The following LRRC37A3 variants were observed in gnomAD, a reference collection of about 807,000 sequenced individuals.
LRRC37A3 encodes leucine-rich repeat-containing protein 37A3.
LRRC37A3 carries 25 observed loss-of-function variants against 106.2 expected under a neutral mutation model. That is an observed-to-expected ratio of 0.24 (90% CI 0.17 to 0.33). LRRC37A3 has a LOEUF of 0.33. LRRC37A3 is among the 10% of genes least tolerant of loss of function. LRRC37A3 has a pLI of 1.00. For synonymous variants in LRRC37A3, 305 were observed against 635.8 expected, an observed-to-expected ratio of 0.48 and a Z score of 7.83; for missense variants, 712 against 1,644.9, an observed-to-expected ratio of 0.43 and a Z score of 9.81.
chr17:64,874,210 C>T (rs1312296458), intron 8 of LRRC37A3, among the ~76,000 whole-genome samples: 27 of 150,284 alleles, frequency 1.8e-4, no homozygotes, highest in Middle Eastern at 3.8e-3. Flanking sequence ...CCAGCACTGG[C>T]AATAGAGTAA....
At position 64,896,866 on chromosome 17, in the gene LRRC37A3, T is replaced by C. The variant is rs1221270977; in HGVS notation, c.392A>G (p.Gln131Arg). 1 of 1,609,396 alleles carries C rather than the reference T, an allele frequency of 6.2e-7. No individual in the cohort carries two copies. The highest frequency in any genetic ancestry group is 1.4e-5 in the African/African-American group (1 of 72,152). Residue 131 changes from glutamine (Q) to arginine (R), a missense_variant, in exon 4 of 15, where the codon CAG (glutamine) becomes CGG (arginine). By Grantham distance (43) the Gln-to-Arg change is conservative. Transcript: ENST00000584306. ...TGGACTCAGCTTGTCCTTTAAATCCTGCTGTGAAGCCAAGAACTGCTCTGG... is the reference window on the plus strand; with the variant it reads ...TGGACTCAGCTTGTCCTTTAAATCCCGCTGTGAAGCCAAGAACTGCTCTGG... Reference protein sequence around the residue: ...LEPEQFLASQQDLKDKLSPQE... With the variant: ...LEPEQFLASQRDLKDKLSPQE...
chr17:64,912,303 TATAG>T (rs1183094215), intron 2 of LRRC37A3, among the ~76,000 whole-genome samples: 3 of 99,200 alleles, frequency 3.0e-5, no homozygotes, highest in Admixed American at 1.1e-4. Context: ...ACACTGAAAG[TATAG>T]ATACATATCT....
intron 2 of LRRC37A3, chr17:64,910,293 G>A (rs1169539821): frequency 2.6e-5 from 4 of 152,210 alleles, no homozygotes; most frequent in African/African-American, 9.6e-5. Context: ...TCCTGGCACT[G>A]TGCTTCTGAC....
At chr17:64,917,245 CAAAAAAAAAAAAA>C (rs1283286984) in intron 2 of LRRC37A3, among the ~76,000 whole-genome samples, 2 of 28,422 alleles carry the variant, frequency 7.0e-5, no homozygotes, top group African/African-American at 1.5e-4. Context: ...GACTCCATCT[CAAAAAAAAAAAAA>C]AAAAAAAAAA....
chr17:64,912,320 A>G (rs1974607237), intron 2 of LRRC37A3, among the ~76,000 whole-genome samples: 1 of 128,960 alleles, frequency 7.8e-6, no homozygotes, highest in South Asian at 2.6e-4. Flanking sequence ...ACATATCTAC[A>G]TACATTGAAA....
intron 10 of LRRC37A3, among the ~76,000 whole-genome samples, chr17:64,864,638 C>A (rs1972996342): frequency 6.6e-6 from 1 of 151,660 alleles, no homozygotes; most frequent in East Asian, 1.9e-4. Context: ...GATTCCATAG[C>A]CAGACTATGC....
intron 8 of LRRC37A3, among the ~76,000 whole-genome samples, chr17:64,878,838 G>A (rs531635338): frequency 3.0e-4 from 45 of 152,324 alleles, no homozygotes; most frequent in African/African-American, 1.0e-3. Flanking sequence ...ATGCACCCTA[G>A]AATTAAAAAC....
chr17:64,916,889 G>C (rs554515624), intron 2 of LRRC37A3, among the ~76,000 whole-genome samples: 2 of 149,238 alleles, frequency 1.3e-5, no homozygotes, highest in Admixed American at 1.3e-4. Context: ...AGTCATTAGG[G>C]ACAAGGAAAT....
chr17:64,857,982 G>T (rs1444190911), intron 13 of LRRC37A3, among the ~76,000 whole-genome samples: 1 of 152,182 alleles, frequency 6.6e-6, no homozygotes, highest in Non-Finnish European at 1.5e-5. Flanking sequence ...CTGGCCTGTT[G>T]GGAAAAGTAA....
chr17:64,917,110 G>A (rs2143641136), intron 2 of LRRC37A3, among the ~76,000 whole-genome samples: 1 of 151,884 alleles, frequency 6.6e-6, no homozygotes, highest in East Asian at 1.9e-4. Context: ...GCCGGGCGTG[G>A]TGGTAGGCCC....
intron 8 of LRRC37A3, among the ~76,000 whole-genome samples, chr17:64,873,438 GCA>G (rs973195720): frequency 1.3e-5 from 2 of 152,168 alleles, no homozygotes; most frequent in African/African-American, 4.8e-5. Flanking sequence ...GGGGTTATAG[GCA>G]CAAGCCACCA....
chr17:64,913,297 G>C (rs2143630669), intron 2 of LRRC37A3, among the ~76,000 whole-genome samples: 1 of 150,562 alleles, frequency 6.6e-6, no homozygotes, highest in Middle Eastern at 3.5e-3. Context: ...CCAAAGTGCT[G>C]GGTTTACAGG....
chr17:64,862,881 C>G lies in LRRC37A3; in HGVS notation c.3172+19G>C. 6.3e-7 allele frequency: 1 copy of G among 1,599,070 alleles called. No homozygotes were observed. Among genetic ancestry groups the G allele is most frequent in the African/African-American group, 1.3e-5 (1 of 75,014 alleles). ...AAATACTTAATGTAACAATTTATCA[C>G]CATGCAATTTGGACTCACGACAATG... On this transcript the variant is annotated intron_variant, in intron 11 of 14. Coordinates refer to ENST00000584306, the MANE Select transcript of LRRC37A3 (RefSeq NM_199340.5).
intron 5 of LRRC37A3, among the ~76,000 whole-genome samples, chr17:64,890,335 C>T (rs1973919024): frequency 8.3e-6 from 1 of 119,820 alleles, no homozygotes; most frequent in South Asian, 2.6e-4. Context: ...TCCCAAAGTG[C>T]TGTGACTGCA....
intron 10 of LRRC37A3, among the ~76,000 whole-genome samples, chr17:64,864,253 G>C (rs1032562303): frequency 4.6e-5 from 7 of 152,148 alleles, no homozygotes; most frequent in Admixed American, 2.6e-4. Flanking sequence ...TCCCAAAAAT[G>C]CTTAACTTGA....
chr17:64,919,120 C>T (rs993107079), intron 1 of LRRC37A3, among the ~76,000 whole-genome samples: 19 of 151,644 alleles, frequency 1.3e-4, no homozygotes, highest in Non-Finnish European at 2.7e-4. Context: ...CCACCTGCCC[C>T]GGCTGCTGCC....
rs767538563 is a variant in LRRC37A3 at position 64,860,125 on chromosome 17, T to G, written c.4021A>C (p.Arg1341=). 6.2e-7 allele frequency: 1 copy of G among 1,613,994 alleles called. No individual in the cohort carries two copies. Among genetic ancestry groups the G allele is most frequent in the Non-Finnish European group, 8.5e-7 (1 of 1,179,862 alleles). Residue 1341 remains arginine (R), a synonymous_variant, in exon 12 of 15, where the codon AGG becomes CGG. Transcript: ENST00000584306. The stretch of plus-strand genomic sequence containing the variant: ...CTCTTCGCTGCAGAGAACGGAAGCC[T>G]GTTTGAGAGCATCAGTCTACTCAGA... The part of the protein sequence containing the change: ...SYLSRLMLSN[R]LPFSAAKSLI...
At chr17:64,870,791 C>A (rs1015125688) in intron 8 of LRRC37A3, among the ~76,000 whole-genome samples, 1 of 151,944 alleles carries the variant, frequency 6.6e-6, no homozygotes, top group African/African-American at 2.4e-5. Flanking sequence ...CTTTCTCTCT[C>A]TTTTTCCTTC....
rs776664491 is a variant in LRRC37A3, at chr17:64,858,864, C to A, written c.4724G>T (p.Gly1575Val). ...KSLEFTKELP[G>V]YGYTKKLILA... is the part of the protein sequence containing the mutation. Reference sequence around the variant, plus strand: ...GATGAGTTTTTTGGTATAGCCATATCCTGGAAGTTCTTTTGTGAACTAAAA... The same window carrying A: ...GATGAGTTTTTTGGTATAGCCATATACTGGAAGTTCTTTTGTGAACTAAAA... The change falls in exon 13 of 15, where the codon GGA (glycine) becomes GTA (valine). Residue 1575 changes from glycine to valine, a missense_variant. By Grantham distance (109) the Gly-to-Val change is moderately radical (BLOSUM62 -3). Transcript: ENST00000584306. 4 of 1,607,510 alleles carry A rather than the reference C, an allele frequency of 2.5e-6. No homozygotes were observed. In the African/African-American group the frequency reaches 5.4e-5, roughly 22 times the overall value.
Sources: allele counts gnomAD v4.1 joint callset (sites outside exome capture counted in the v4.1 genomes callset), GRCh38; gene constraint gnomAD v4.1.1; transcripts MANE v1.5; gene names NCBI Gene and HGNC (gene_info 2026-07-23, HGNC 2026-07-21).